ARK2N: variants seen among roughly 807,000 people sequenced by gnomAD.
ARK2N encodes arkadia (RNF111) N-terminal like PKA signaling regulator 2N.
chr18:46,240,286 C>A, the ARK2N span: 1 of 1,291,740 alleles, frequency 7.7e-7, no homozygotes, highest in Non-Finnish European at 1.1e-6. Context: ...CAGGTCATAC[C>A]AGAGACATCT....
chr18:46,236,010 C>T, the ARK2N span, among the ~76,000 whole-genome samples: 1 of 152,168 alleles, frequency 6.6e-6, no homozygotes, highest in Non-Finnish European at 1.5e-5. Flanking sequence ...TGTGACAACA[C>T]AGATACTTCT....
chr18:46,187,539 A>C, the ARK2N span, among the ~76,000 whole-genome samples: 1 of 151,682 alleles, frequency 6.6e-6, no homozygotes, highest in South Asian at 2.1e-4. Flanking sequence ...ACAGGGTTTC[A>C]CCATGCTGGT....
At chr18:46,182,001 T>A in the ARK2N span, among the ~76,000 whole-genome samples, 1 of 152,194 alleles carries the variant, frequency 6.6e-6, no homozygotes. Flanking sequence ...AGTTGACTAG[T>A]TTAAAAAAAT....
At chr18:46,216,658 A>C in the ARK2N span, 11 of 1,365,298 alleles carry the variant, frequency 8.1e-6, no homozygotes, top group South Asian at 1.6e-4. This position sits in a 1 kb window ranked among gnomAD's most constrained non-coding sequence, Gnocchi z 4.3. Flanking sequence ...TATCAGGTTC[A>C]GTTAGATGAG....
chr18:46,261,092 T>C, the ARK2N span, among the ~76,000 whole-genome samples: 1 of 152,256 alleles, frequency 6.6e-6, no homozygotes, highest in African/African-American at 2.4e-5. Context: ...ACCAGGTTTC[T>C]AGCCAGCTTT....
At chr18:46,247,174 T>C in the ARK2N span, among the ~76,000 whole-genome samples, 1 of 152,114 alleles carries the variant, frequency 6.6e-6, no homozygotes, top group Non-Finnish European at 1.5e-5. Flanking sequence ...TGATGGTACC[T>C]TGTTTTTTTT....
chr18:46,216,028 A>G, the ARK2N span: 3 of 1,614,114 alleles, frequency 1.9e-6, no homozygotes, highest in South Asian at 3.3e-5. This position sits in a 1 kb window ranked among gnomAD's most constrained non-coding sequence, Gnocchi z 4.3. Context: ...AGCGGATTCT[A>G]CAGTTATTTC....
At chr18:46,248,992 C>T in the ARK2N span, among the ~76,000 whole-genome samples, 1 of 152,200 alleles carries the variant, frequency 6.6e-6, no homozygotes, top group Non-Finnish European at 1.5e-5. Flanking sequence ...CCTATCAAGC[C>T]TATATAGGCC....
chr18:46,204,743 A>G, the ARK2N span, among the ~76,000 whole-genome samples: 1 of 152,146 alleles, frequency 6.6e-6, no homozygotes, highest in Admixed American at 6.5e-5. Flanking sequence ...GAAACGTATC[A>G]TTTAATGGGC....
the ARK2N span, among the ~76,000 whole-genome samples, chr18:46,182,577 C>T: frequency 3.3e-5 from 5 of 150,650 alleles, no homozygotes; most frequent in South Asian, 1.0e-3. Flanking sequence ...AACCCTGTCT[C>T]TATTAAAAAA....
chr18:46,178,663 G>C, the ARK2N span, among the ~76,000 whole-genome samples: 2 of 152,144 alleles, frequency 1.3e-5, no homozygotes, highest in East Asian at 3.9e-4. Flanking sequence ...GCTCATGCCT[G>C]TAATCCCAGC....
At chr18:46,173,833 C>T in the ARK2N span, 2 of 152,342 alleles carry the variant, frequency 1.3e-5, no homozygotes, top group Non-Finnish European at 2.9e-5. Context: ...GTGACGGTCT[C>T]AACAGAAGGA....
the ARK2N span, among the ~76,000 whole-genome samples, chr18:46,200,972 CTTTTTTCTTTTTT>C: frequency 1.6e-5 from 2 of 125,914 alleles, no homozygotes; most frequent in African/African-American, 6.1e-5. Flanking sequence ...ACATCATTTT[CTTTTTTCTTTTTT>C]TTTTTTTTTT....
At chr18:46,183,617 T>C in the ARK2N span, among the ~76,000 whole-genome samples, 1 of 152,172 alleles carries the variant, frequency 6.6e-6, no homozygotes, top group African/African-American at 2.4e-5. Flanking sequence ...TTCAAACTTT[T>C]CTTTCTTTTG....
chr18:46,253,571 A>G, the ARK2N span: 2 of 1,190,140 alleles, frequency 1.7e-6, no homozygotes, highest in East Asian at 2.4e-5. Flanking sequence ...TGCTGTGGCA[A>G]GCTCTCACAG....
chr18:46,200,066 T>TTGTGTG, the ARK2N span, among the ~76,000 whole-genome samples: 150 of 150,180 alleles, frequency 1.0e-3, no homozygotes, highest in African/African-American at 2.7e-3. Flanking sequence ...AAATTCTTTA[T>TTGTGTG]TGTGTGTGTG....
At chr18:46,208,896 G>A in the ARK2N span, among the ~76,000 whole-genome samples, 80 of 152,294 alleles carry the variant, frequency 5.3e-4, no homozygotes, top group Non-Finnish European at 1.1e-3. Context: ...GCATTTCATA[G>A]GGGTAATATT....
the ARK2N span, among the ~76,000 whole-genome samples, chr18:46,237,938 G>A: frequency 1.3e-5 from 2 of 152,158 alleles, no homozygotes; most frequent in African/African-American, 4.8e-5. Flanking sequence ...TGCTGTCTCT[G>A]TTTATGATGA....
At chr18:46,187,922 G>A in the ARK2N span, among the ~76,000 whole-genome samples, 1 of 152,090 alleles carries the variant, frequency 6.6e-6, no homozygotes, top group Non-Finnish European at 1.5e-5. Context: ...ACTGCTATGA[G>A]GCTAAACTGG....
Sources: allele counts gnomAD v4.1 joint callset (sites outside exome capture counted in the v4.1 genomes callset), GRCh38; gene constraint gnomAD v4.1.1; non-coding constraint Gnocchi (gnomAD v3.1); transcripts MANE v1.5; gene names NCBI Gene and HGNC (gene_info 2026-07-23, HGNC 2026-07-21).